The following SCAPER variants were observed in gnomAD, a reference collection of about 807,000 sequenced individuals.
SCAPER encodes the protein S phase cyclin A-associated protein in the endoplasmic reticulum.
A neutral mutation model predicts 182.2 loss-of-function variants in SCAPER; 98 were observed. That is an observed-to-expected ratio of 0.54 (90% CI 0.46 to 0.64). SCAPER has a LOEUF of 0.64. SCAPER is among the 30% of genes least tolerant of loss of function. The pLI, the probability that SCAPER is intolerant of heterozygous loss-of-function variation, is 0.00. For missense variants in SCAPER, 1,432 were observed against 1,690.0 expected (o/e 0.85, Z 2.68); for synonymous variants, 605 against 564.6 (o/e 1.07, Z -1.01).
intron 8 of SCAPER, among the ~76,000 whole-genome samples, chr15:76,782,920 G>C (rs923981299): frequency 1.3e-5 from 2 of 152,126 alleles, no homozygotes; most frequent in African/African-American, 4.8e-5. Flanking sequence ...ATGCCCACAA[G>C]AGAAAGCAGG....
intron 2 of SCAPER, among the ~76,000 whole-genome samples, chr15:76,871,355 G>A (rs1187290559): frequency 4.1e-5 from 6 of 146,290 alleles, no homozygotes; most frequent in East Asian, 2.0e-4. Context: ...GTTGCAATGA[G>A]CTGAGATCGC....
At chr15:76,404,803 G>C in intron 26 of SCAPER, 124 bp from the exon 27 acceptor site, 1 of 783,508 alleles carries the variant, frequency 1.3e-6, no homozygotes, top group Non-Finnish European at 1.8e-6. Context: ...ACACAAGTTT[G>C]AGTAAAGCAT....
At chr15:76,524,689 G>GTTTGTTT (rs2043058673) in intron 23 of SCAPER, among the ~76,000 whole-genome samples, 1 of 50,116 alleles carries the variant, frequency 2.0e-5, no homozygotes. Flanking sequence ...TTTTTGTTCT[G>GTTTGTTT]TTTTTTTTTT....
At chr15:76,877,453 C>T (rs2073251815) in intron 2 of SCAPER, among the ~76,000 whole-genome samples, 1 of 152,096 alleles carries the variant, frequency 6.6e-6, no homozygotes, top group Non-Finnish European at 1.5e-5. Flanking sequence ...TACACAGCCT[C>T]GAAGTGCTTC....
intron 21 of SCAPER, among the ~76,000 whole-genome samples, chr15:76,625,495 C>T (rs1181732539): frequency 6.6e-6 from 1 of 152,140 alleles, no homozygotes; most frequent in African/African-American, 2.4e-5. Flanking sequence ...CACTTCATCC[C>T]TGGAGGCAGT....
chr15:76,382,980 C>T (rs2043051803), intron 27 of SCAPER, among the ~76,000 whole-genome samples: 1 of 152,054 alleles, frequency 6.6e-6, no homozygotes, highest in African/African-American at 2.4e-5. Context: ...ATGATCTACA[C>T]AATACTGAGC....
chr15:76,467,328 G>A (rs1009401168), intron 25 of SCAPER, among the ~76,000 whole-genome samples: 26 of 152,090 alleles, frequency 1.7e-4, no homozygotes, highest in Non-Finnish European at 1.6e-4. Flanking sequence ...CTAGCCCCAA[G>A]TCAGGCAAGA....
intron 17 of SCAPER, among the ~76,000 whole-genome samples, chr15:76,709,908 C>T (rs191041914): frequency 8.5e-5 from 13 of 152,240 alleles, no homozygotes; most frequent in Admixed American, 8.5e-4. Context: ...AAGAGTAAAA[C>T]CCACAGTCAT....
chr15:76,793,445 A>C, intron 8 of SCAPER: 1 of 540,760 alleles, frequency 1.8e-6, no homozygotes, highest in East Asian at 3.2e-5. Context: ...CCAACTCCTC[A>C]GCCTTCAGGG....
At chr15:76,781,027 G>C (rs755806086) in intron 8 of SCAPER, among the ~76,000 whole-genome samples, 8 of 152,190 alleles carry the variant, frequency 5.3e-5, no homozygotes, top group Non-Finnish European at 1.2e-4. Context: ...AAGCTGGATG[G>C]AGGATGACTT....
At chr15:76,566,884 T>C (rs2047072973) in intron 23 of SCAPER, among the ~76,000 whole-genome samples, 2 of 152,112 alleles carry the variant, frequency 1.3e-5, no homozygotes, top group Admixed American at 1.3e-4. Context: ...CAAACATGTA[T>C]GTACAAGTTA....
At position 76,373,219 on chromosome 15, in the gene SCAPER, T is replaced by C. The variant is rs1014794615; in HGVS notation, c.3855+2943A>G. On this transcript the variant is annotated intron_variant, in intron 29 of 31. Coordinates refer to ENST00000563290, the MANE Select transcript of SCAPER (RefSeq NM_020843.4). ...CCTGCCATCACGCCCAGCTAATTTC[T>C]GTATTTTTAGTAGAGACAGGGTTTC... Among the ~76,000 whole-genome samples, 4 of 152,070 alleles carry C rather than the reference T, an allele frequency of 2.6e-5. No individual in the cohort carries two copies. In the East Asian group the frequency reaches 7.7e-4, roughly 29 times the overall value.
chr15:76,613,396 T>G (rs1352924316), intron 22 of SCAPER, among the ~76,000 whole-genome samples: 1 of 152,068 alleles, frequency 6.6e-6, no homozygotes, highest in Non-Finnish European at 1.5e-5. Context: ...CAAAAGCACT[T>G]GCAACAAAAG....
intron 22 of SCAPER, among the ~76,000 whole-genome samples, chr15:76,608,879 A>G (rs558492560): frequency 6.6e-6 from 1 of 152,230 alleles, no homozygotes; most frequent in Non-Finnish European, 1.5e-5. Flanking sequence ...GGAAAAGCGC[A>G]GTATTAGGGT....
chr15:76,691,087 T>G (rs1445393735), intron 20 of SCAPER, among the ~76,000 whole-genome samples: 1 of 151,976 alleles, frequency 6.6e-6, no homozygotes, highest in East Asian at 1.9e-4. Context: ...AGTAAAAATA[T>G]TAGAAAATAC....
rs1466594863 is a variant in SCAPER at position 76,603,045 on chromosome 15, A to G, written c.2711+18719T>C. Among the ~76,000 whole-genome samples the G allele has an allele frequency of 4.2e-5, 3 of 71,764 alleles. 1 individual carries two copies. Among genetic ancestry groups the G allele is most frequent in the African/African-American group, 1.2e-4 (3 of 24,572 alleles). 47.1% of individuals were successfully genotyped at this position (71,764 alleles called of 152,430 possible). ...ATTTATTTATTTACTTAATTTTATTATTATTATACTTTAAGTTTTAGGGTA... is the reference window on the plus strand; with the variant it reads ...ATTTATTTATTTACTTAATTTTATTGTTATTATACTTTAAGTTTTAGGGTA... On this transcript the variant is annotated intron_variant, in intron 22 of 31. Coordinates refer to ENST00000563290, the MANE Select transcript of SCAPER (RefSeq NM_020843.4).
chr15:76,608,863 C>T (rs1483078640), intron 22 of SCAPER, among the ~76,000 whole-genome samples: 1 of 152,136 alleles, frequency 6.6e-6, no homozygotes, highest in African/African-American at 2.4e-5. Flanking sequence ...GTTTTTTAAG[C>T]CCGTTGGAAA....
intron 23 of SCAPER, among the ~76,000 whole-genome samples, chr15:76,533,996 T>A (rs1185153103): frequency 6.6e-6 from 1 of 152,234 alleles, no homozygotes; most frequent in African/African-American, 2.4e-5. Context: ...TAAAATATAT[T>A]TTTTTGAAAA....
chr15:76,688,430 T>C (rs2058154682), intron 20 of SCAPER, among the ~76,000 whole-genome samples: 1 of 152,244 alleles, frequency 6.6e-6, no homozygotes, highest in African/African-American at 2.4e-5. Context: ...GCAGAAGCTC[T>C]TTGGTTTAAT....
Sources: allele counts gnomAD v4.1 joint callset (sites outside exome capture counted in the v4.1 genomes callset), GRCh38; gene constraint gnomAD v4.1.1; transcripts MANE v1.5; gene names NCBI Gene and HGNC (gene_info 2026-07-23, HGNC 2026-07-21).